POLH: variants seen among roughly 807,000 people sequenced by gnomAD.
POLH encodes DNA polymerase eta.
POLH carries 53 observed loss-of-function variants against 73.6 expected under a neutral mutation model. The ratio of observed to expected loss-of-function variants is 0.72; its 90% CI spans 0.58 to 0.91. The LOEUF is 0.91. POLH is among the 40% of genes least tolerant of loss of function. The pLI is 0.00. For missense variants in POLH, 768 were observed against 865.4 expected, an observed-to-expected ratio of 0.89 and a Z score of 1.41; for synonymous variants, 292 against 308.5, an observed-to-expected ratio of 0.95 and a Z score of 0.56.
rs1438871813 is a variant in POLH at position 43,613,936 on chromosome 6, TC to T, written c.1524del (p.Met509Ter). ...LSSLTAPTQA[P>X]MSNSPSKPSL... ...CATCTCTTACTGCTCCCACTCAGGC[TC>T]CCATGAGCAATTCACCATCCAAGCC... On this transcript the variant is annotated frameshift_variant, in exon 11 of 11. Transcript: ENST00000372236. LOFTEE classifies it high-confidence loss of function. 6.2e-7 allele frequency: 1 copy of T among 1,613,874 alleles called. No homozygotes were observed. Among genetic ancestry groups the T allele is most frequent in the East Asian group, 2.2e-5 (1 of 44,902 alleles).
At chr6:43,604,050 G>A (rs778821380) in intron 7 of POLH, 39 bp downstream of exon 7, 37 of 1,532,372 alleles carry the variant, frequency 2.4e-5, no homozygotes, top group Non-Finnish European at 3.3e-5. Context: ...AACCTTTATG[G>A]AGATGCTATA....
chr6:43,598,153 C>T (rs986503269), intron 5 of POLH, among the ~76,000 whole-genome samples: 65 of 145,366 alleles, frequency 4.5e-4, no homozygotes, highest in African/African-American at 1.6e-3. Flanking sequence ...TGCCGTGAGC[C>T]GAAATCATAC....
rs1238100944 is a variant in POLH, at chr6:43,593,818, T to G, written c.491-3878T>G. 3.4e-5 allele frequency among the ~76,000 whole-genome samples: 5 copies of G among 145,172 alleles called. No homozygotes were observed. In the East Asian group the frequency reaches 1.0e-3, roughly 29 times the overall value. On this transcript the variant is annotated intron_variant, in intron 4 of 10. Transcript: ENST00000372236. ...TTACTTGAACCCAGGAGGCAGAGGT[T>G]GCAGTGAGCTGAGATTGCGCCACTG...
Position 43,601,075 on chromosome 6 carries a change from A to G in POLH, c.748A>G (p.Met250Val), listed in dbSNP as rs1245875468. The change falls in exon 6 of 11, where the codon ATG (methionine) becomes GTG (valine). Residue 250 changes from methionine (M) to valine (V), a missense_variant. By Grantham distance (21) the Met-to-Val change is conservative. Coordinates refer to ENST00000372236, the MANE Select transcript of POLH (RefSeq NM_006502.3). Reference protein sequence around the residue: ...HGSVPQLFSQMPIRKIRSLGG... With the variant: ...HGSVPQLFSQVPIRKIRSLGG... Reference sequence around the variant, plus strand: ...GTCAGTCCCACAGCTCTTCAGCCAAATGCCCATTCGCAAAATGTAAGTATT... The same window carrying G: ...GTCAGTCCCACAGCTCTTCAGCCAAGTGCCCATTCGCAAAATGTAAGTATT... 1.2e-6 allele frequency: 2 copies of G among 1,612,882 alleles called. No individual in the cohort carries two copies. The highest frequency in any genetic ancestry group is 1.7e-6 in the Non-Finnish European group (2 of 1,178,984).
Position 43,620,107 on chromosome 6 carries a change from G to A in POLH, c.*5550G>A, listed in dbSNP as rs895033973. ...AGGCTATGTAAACTTGAAAAATATG[G>A]GACCAGATTACCTTTTGTCTCTAAA... On this transcript the variant is annotated 3_prime_UTR_variant, in exon 11 of 11. Transcript: ENST00000372236. 1.7e-5 allele frequency: 6 copies of A among 351,646 alleles called. No individual in the cohort carries two copies. The highest frequency in any genetic ancestry group is 1.1e-4 in the African/African-American group (5 of 44,370). 21.8% of individuals were successfully genotyped at this position (351,646 alleles called of 1,614,324 possible).
chr6:43,587,218 A>G, intron 3 of POLH, 54 bp from the exon 4 acceptor site: 6 of 1,316,148 alleles, frequency 4.6e-6, no homozygotes, highest in African/African-American at 1.4e-5. Flanking sequence ...GGAGCAGACA[A>G]TCTCAAGGTT....
intron 10 of POLH, among the ~76,000 whole-genome samples, chr6:43,612,952 C>T (rs955121651): frequency 1.3e-4 from 20 of 152,092 alleles, no homozygotes; most frequent in African/African-American, 4.8e-4. Flanking sequence ...AGGCGTGTGT[C>T]ACCACACCCA....
chr6:43,587,979 G>A (rs1234490389), intron 4 of POLH, among the ~76,000 whole-genome samples: 2 of 149,264 alleles, frequency 1.3e-5, no homozygotes, highest in Admixed American at 6.7e-5. Context: ...ATTGAGGTGA[G>A]CCGAGATCTC....
At chr6:43,605,816 C>G (rs1767222894) in intron 9 of POLH, among the ~76,000 whole-genome samples, 1 of 151,878 alleles carries the variant, frequency 6.6e-6, no homozygotes. Context: ...CCTCTGGGTT[C>G]AAGTGATTCT....
Position 43,583,124 on chromosome 6 carries a change from G to A in POLH, c.255G>A (p.Gly85=). 6.2e-7 allele frequency: 1 copy of A among 1,614,010 alleles called. No individual in the cohort carries two copies. Among genetic ancestry groups the A allele is most frequent in the Non-Finnish European group, 8.5e-7 (1 of 1,179,964 alleles). Reference sequence around the variant, plus strand: ...TGGCACAAGTTCGTGAGTCCCGTGGGAAAGCTAACCTCACCAAGTAAGAAA... The same window carrying A: ...TGGCACAAGTTCGTGAGTCCCGTGGAAAAGCTAACCTCACCAAGTAAGAAA... ...LLLAQVRESR[G]KANLTKYREA... is the part of the protein sequence containing the mutation. The change falls in exon 3 of 11, where the codon GGG becomes GGA. Residue 85 remains glycine, a synonymous_variant. Transcript: ENST00000372236.
rs779883974 is a variant in POLH at position 43,613,957 on chromosome 6, C to T, written c.1542C>T (p.Ser514=). The T allele has an allele frequency of 4.3e-6, 7 of 1,614,050 alleles. No homozygotes were observed. The highest frequency in any genetic ancestry group is 2.2e-5 in the South Asian group (2 of 91,088). The change falls in exon 11 of 11, where the codon TCC becomes TCT. Residue 514 remains serine, a synonymous_variant. Transcript: ENST00000372236. ...PTQAPMSNSP[S]KPSLPFQTSQ... ...AGGCTCCCATGAGCAATTCACCATC[C>T]AAGCCCTCATTACCTTTTCAAACCA...
chr6:43,582,568 T>C, intron 2 of POLH, 112 bp downstream of exon 2: 1 of 1,099,232 alleles, frequency 9.1e-7, no homozygotes, highest in Non-Finnish European at 1.4e-6. Context: ...TTCTCTGTTG[T>C]CCCATCCAGA....
chr6:43,588,772 C>T (rs1427943104), intron 4 of POLH: 1 of 151,556 alleles, frequency 6.6e-6, no homozygotes, highest in East Asian at 2.0e-4. Flanking sequence ...ATAAGTTACT[C>T]AGTATTGCTT....
intron 4 of POLH, among the ~76,000 whole-genome samples, chr6:43,589,100 A>T (rs1357580559): frequency 6.6e-6 from 1 of 152,098 alleles, no homozygotes; most frequent in Non-Finnish European, 1.5e-5. Flanking sequence ...GGCCTCCCAA[A>T]GTGCTGGGAT....
In POLH at chr6:43,591,827, C is replaced by G. The variant is rs1220885153; in HGVS notation, c.490+4338C>G. ...TCACAAACCCTCTGAAATCCACATA[C>G]CTCAGAATTAGAACTAGTCTTACAC... On this transcript the variant is annotated intron_variant, in intron 4 of 10. Transcript: ENST00000372236. Among the ~76,000 whole-genome samples, 5 of 152,240 alleles carry G rather than the reference C, an allele frequency of 3.3e-5. No individual in the cohort carries two copies. In the East Asian group the frequency reaches 9.6e-4, roughly 29 times the overall value.
In POLH at chr6:43,610,457, AC is replaced by A. The variant is rs1311757440; in HGVS notation, c.1075-94del. The A allele has an allele frequency of 1.3e-5, 13 of 963,878 alleles. No individual in the cohort carries two copies. In the East Asian group the frequency reaches 2.6e-4, roughly 20 times the overall value. The allele number at this position is 963,878 out of a possible 1,614,324, so 59.7% of individuals were successfully genotyped here. On this transcript the variant is annotated intron_variant, in intron 9 of 10. Coordinates refer to ENST00000372236, the MANE Select transcript of POLH (RefSeq NM_006502.3). ...AAACTACTGTTTCCAAACCATTGTC[AC>A]CCTGGTTCTTTTAATTTCCTCTCCT...
rs555395021 is a variant in POLH, at chr6:43,604,088, A to G, written c.884+77A>G. 11 of 1,174,740 alleles carry G rather than the reference A, an allele frequency of 9.4e-6. No individual in the cohort carries two copies. The East Asian group carries it at 2.6e-4, about 28-fold the overall frequency. 72.8% of individuals were successfully genotyped at this position (1,174,740 alleles called of 1,614,324 possible). A position where few individuals can be genotyped will look rare whatever the true frequency, so the allele number is the denominator to read the frequency against. On this transcript the variant is annotated intron_variant, in intron 7 of 10. Transcript: ENST00000372236. The stretch of plus-strand genomic sequence containing the variant: ...CAAATATAGACAAAACCATCTAGTA[A>G]AATCCAGACCTATCTTTAGGTTAAC...
chr6:43,576,547 A>T (rs1167131247), intron 1 of POLH, 107 bp downstream of exon 1: 1 of 152,226 alleles, frequency 6.6e-6, no homozygotes, highest in Non-Finnish European at 1.5e-5. Flanking sequence ...TGCGTGAAAT[A>T]TAAATCATGC....
At chr6:43,589,117 T>C (rs112569925) in intron 4 of POLH, among the ~76,000 whole-genome samples, 3,355 of 152,260 alleles carry the variant, frequency 0.022, 113 homozygotes, top group African/African-American at 0.075. Context: ...GGATTACAGG[T>C]GTGAGCCACC....
Sources: gnomAD v4.1 joint callset for allele counts (sites outside exome capture counted in the v4.1 genomes callset) on GRCh38, gnomAD v4.1.1 for gene constraint, MANE v1.5 for transcripts, NCBI Gene and HGNC (gene_info 2026-07-23, HGNC 2026-07-21) for gene names.